The following BCAR3 variants were observed in gnomAD, a reference collection of about 807,000 sequenced individuals.
BCAR3 encodes breast cancer anti-estrogen resistance protein 3.
Under a neutral mutation model 80.1 loss-of-function variants are expected in BCAR3, and 37 were observed. The observed-to-expected ratio is 0.46, with a 90% CI of 0.36 to 0.61. The LOEUF (loss-of-function observed/expected upper bound fraction) is 0.61, where lower values mean the gene tolerates loss of function less well. Among genes scored for constraint, BCAR3 ranks in the 20% least tolerant of loss-of-function variants. BCAR3 has a pLI of 0.00. For synonymous variants in BCAR3, 389 were observed against 418.9 expected, an observed-to-expected ratio of 0.93 and a Z score of 0.87; for missense variants, 978 against 1,068.2, an observed-to-expected ratio of 0.92 and a Z score of 1.18.
chr1:93,622,292 G>A (rs1343202680), intron 3 of BCAR3, among the ~76,000 whole-genome samples: 1 of 152,132 alleles, frequency 6.6e-6, no homozygotes, highest in East Asian at 1.9e-4. Context: ...TTCACATGTG[G>A]GATCAAACAG....
At chr1:93,847,944 C>A (rs888411440), upstream of BCAR3, 5 of 240,484 alleles carry the variant, frequency 2.1e-5, no homozygotes, top group South Asian at 4.5e-5. Flanking sequence ...GACACTGAAG[C>A]GAAGGCTCGC....
intron 3 of BCAR3, chr1:93,613,939 C>A: frequency 6.4e-7 from 1 of 1,550,398 alleles, no homozygotes; most frequent in South Asian, 1.2e-5. Flanking sequence ...ATCTTTCGGT[C>A]TTCAGTCCCG....
chr1:93,645,035 A>G (rs978189327), intron 2 of BCAR3, among the ~76,000 whole-genome samples: 5 of 152,142 alleles, frequency 3.3e-5, no homozygotes, highest in African/African-American at 1.2e-4. Flanking sequence ...TTCATAGGTA[A>G]ATGAGAGACT....
chr1:93,612,425 A>G (rs756578697), intron 3 of BCAR3, among the ~76,000 whole-genome samples: 3 of 152,102 alleles, frequency 2.0e-5, no homozygotes, highest in Non-Finnish European at 2.9e-5. Context: ...CCTTTTCTAT[A>G]TATTATGTAG....
chr1:93,601,132 T>A (rs1237223126), intron 3 of BCAR3, among the ~76,000 whole-genome samples: 1 of 152,178 alleles, frequency 6.6e-6, no homozygotes, highest in Non-Finnish European at 1.5e-5. Context: ...CTGATGCAGG[T>A]AAAGCATCTG....
At chr1:93,815,738 G>C (rs1022121683) in intron 2 of BCAR3, among the ~76,000 whole-genome samples, 10 of 152,176 alleles carry the variant, frequency 6.6e-5, no homozygotes, top group Non-Finnish European at 1.5e-4. Context: ...CATTTGTATA[G>C]AGATGCGCTA....
At chr1:93,712,458 T>G (rs973765132) in intron 2 of BCAR3, among the ~76,000 whole-genome samples, 11 of 152,200 alleles carry the variant, frequency 7.2e-5, no homozygotes, top group African/African-American at 2.7e-4. Flanking sequence ...CTCCTCAGGT[T>G]TCCAGAGGTC....
At chr1:93,601,147 T>C (rs1016400792) in intron 3 of BCAR3, among the ~76,000 whole-genome samples, 2 of 152,206 alleles carry the variant, frequency 1.3e-5, no homozygotes, top group Admixed American at 1.3e-4. Flanking sequence ...CATCTGGCAC[T>C]ATACCTGGCA....
At chr1:93,627,470 A>G (rs1372393285) in intron 3 of BCAR3, among the ~76,000 whole-genome samples, 1 of 152,218 alleles carries the variant, frequency 6.6e-6, no homozygotes, top group African/African-American at 2.4e-5. Context: ...TCTGAACTGC[A>G]TACCTGTGCA....
At chr1:93,644,748 A>G (rs1317386371) in intron 2 of BCAR3, among the ~76,000 whole-genome samples, 1 of 152,194 alleles carries the variant, frequency 6.6e-6, no homozygotes, top group Non-Finnish European at 1.5e-5. Context: ...CCAAAACTGG[A>G]GCTAAGGTAC....
intron 11 of BCAR3, among the ~76,000 whole-genome samples, chr1:93,565,047 C>G (rs1672888402): frequency 6.6e-6 from 1 of 151,636 alleles, no homozygotes; most frequent in Non-Finnish European, 1.5e-5. Context: ...TATTTTCTTC[C>G]TGATGATGCC....
chr1:93,606,951 A>C (rs1674788181), intron 3 of BCAR3, among the ~76,000 whole-genome samples: 1 of 152,206 alleles, frequency 6.6e-6, no homozygotes, highest in Non-Finnish European at 1.5e-5. Context: ...CATCCGCTGC[A>C]CTTGGCAATG....
At chr1:93,584,199 TAAAC>T (rs1673847995) in intron 5 of BCAR3, 78 bp from the exon 6 acceptor site, 30 of 1,314,648 alleles carry the variant, frequency 2.3e-5, no homozygotes, top group African/African-American at 3.0e-5. Flanking sequence ...CATGGGAACT[TAAAC>T]AAAAACAAAA....
intron 2 of BCAR3, among the ~76,000 whole-genome samples, chr1:93,758,674 C>T (rs1651828685): frequency 6.6e-6 from 1 of 152,192 alleles, no homozygotes. Flanking sequence ...TTCTTGGGAA[C>T]TGAGAAATAC....
intron 2 of BCAR3, among the ~76,000 whole-genome samples, chr1:93,750,728 A>G (rs560659155): frequency 2.0e-5 from 3 of 152,338 alleles, no homozygotes; most frequent in South Asian, 4.1e-4. Context: ...GGCCACGTGT[A>G]GGCCCTCTGG....
At chr1:93,744,894 C>A (rs919541417) in intron 2 of BCAR3, among the ~76,000 whole-genome samples, 1 of 152,262 alleles carries the variant, frequency 6.6e-6, no homozygotes, top group Non-Finnish European at 1.5e-5. Flanking sequence ...TTTGCCCAAA[C>A]TGCAGTTTCT....
chr1:93,654,407 A>C (rs1301173587), intron 2 of BCAR3, among the ~76,000 whole-genome samples: 1 of 152,070 alleles, frequency 6.6e-6, no homozygotes, highest in African/African-American at 2.4e-5. Flanking sequence ...GACAGCCAGG[A>C]AACAGAGACT....
intron 2 of BCAR3, among the ~76,000 whole-genome samples, chr1:93,779,239 A>G (rs1374592049): frequency 6.6e-6 from 1 of 152,234 alleles, no homozygotes; most frequent in African/African-American, 2.4e-5. Flanking sequence ...TTCTAATTGA[A>G]AGATGCCATT....
chr1:93,733,993 A>G (rs572917624), intron 2 of BCAR3, among the ~76,000 whole-genome samples: 137 of 152,220 alleles, frequency 9.0e-4, no homozygotes, highest in Non-Finnish European at 1.7e-3. Context: ...TATAGGGAGA[A>G]CTGGGTTTTC....
Sources: gnomAD v4.1 joint callset for allele counts (sites outside exome capture counted in the v4.1 genomes callset) on GRCh38, gnomAD v4.1.1 for gene constraint, MANE v1.5 for transcripts, NCBI Gene and HGNC (gene_info 2026-07-23, HGNC 2026-07-21) for gene names.